Variants in JAM2 observed in about 807,000 individuals in gnomAD.
JAM2 encodes the protein junctional adhesion molecule B.
In JAM2, 17 loss-of-function variants were observed where a neutral mutation model predicts 42.0. The ratio of observed to expected loss-of-function variants is 0.40; its 90% confidence interval spans 0.28 to 0.61. The LOEUF (loss-of-function observed/expected upper bound fraction) is 0.61, where lower values mean the gene tolerates loss of function less well. JAM2 is among the 20% of genes least tolerant of loss of function. JAM2 has a pLI of 0.37. For synonymous variants in JAM2, 118 were observed against 128.6 expected, an observed-to-expected ratio of 0.92 and a Z score of 0.56; for missense variants, 319 against 358.3, an observed-to-expected ratio of 0.89 and a Z score of 0.89.
At chr21:25,672,730 G>A (rs141235477) in intron 1 of JAM2, among the ~76,000 whole-genome samples, 222 of 152,250 alleles carry the variant, frequency 1.5e-3, no homozygotes, top group African/African-American at 4.5e-3. Flanking sequence ...TAGTAAGGAG[G>A]GCACCCAGGC....
At chr21:25,679,887 A>C (rs1263778924) in intron 1 of JAM2, among the ~76,000 whole-genome samples, 1 of 152,204 alleles carries the variant, frequency 6.6e-6, no homozygotes, top group African/African-American at 2.4e-5. Context: ...GTAATTAACT[A>C]TGTGGGCTTC....
In JAM2 at chr21:25,717,434, T is replaced by C. The variant is rs147567880; in HGVS notation, c.*2762T>C. ...ATTATTGTTGCTGTTGTAACTAGAT[T>C]TAATTTATTTTTAGTTGGAGGTTTG... On this transcript the variant is annotated 3_prime_UTR_variant, in exon 10 of 10. Transcript: ENST00000480456. 2 of 411,178 alleles carry C rather than the reference T, an allele frequency of 4.9e-6. No individual in the cohort carries two copies. The highest frequency in any genetic ancestry group is 8.0e-5 in the East Asian group (2 of 24,888). 25.5% of individuals were successfully genotyped at this position (411,178 alleles called of 1,614,324 possible). A position where few individuals can be genotyped will look rare whatever the true frequency, so the allele number is the denominator to read the frequency against.
In JAM2 at chr21:25,709,452, A is replaced by G. The variant is rs1260764277; in HGVS notation, c.821+3A>G. 1 of 1,440,670 alleles carries G rather than the reference A, an allele frequency of 6.9e-7. No individual in the cohort carries two copies. The highest frequency in any genetic ancestry group is 1.7e-5 in the Admixed American group (1 of 59,170). The allele number at this position is 1,440,670 out of a possible 1,614,324, so 89.2% of individuals were successfully genotyped here. On this transcript the variant is annotated splice_donor_region_variant and intron_variant, in intron 8 of 9. Coordinates refer to ENST00000480456, the MANE Select transcript of JAM2 (RefSeq NM_021219.4). ...TTTGTAGAAGAAACCTCCTTCCAGT[A>G]AGTATACTTTCCTACAATGCATGTC...
chr21:25,714,281 C>T (rs778310467), intron 9 of JAM2: 102 of 1,189,806 alleles, frequency 8.6e-5, no homozygotes, highest in South Asian at 1.4e-4. Context: ...CCGCGGCGGG[C>T]GGATCACGAG....
rs1408409619 is a variant in JAM2 at position 25,717,510 on chromosome 21, T to C, written c.*2838T>C. On this transcript the variant is annotated 3_prime_UTR_variant, in exon 10 of 10. Transcript: ENST00000480456. Reference sequence around the variant, plus strand: ...TTTTCAATACAACTTTGCAAAGAACTTCCTTTTTCCACAGGTGGCTTTGTT... The same window carrying C: ...TTTTCAATACAACTTTGCAAAGAACCTCCTTTTTCCACAGGTGGCTTTGTT... 4.8e-6 allele frequency: 5 copies of C among 1,036,930 alleles called. No individual in the cohort carries two copies. The highest frequency in any genetic ancestry group is 6.5e-6 in the Non-Finnish European group (5 of 769,500). 64.2% of individuals were successfully genotyped at this position (1,036,930 alleles called of 1,614,324 possible).
At chr21:25,713,558 G>T (rs897027458) in intron 9 of JAM2, among the ~76,000 whole-genome samples, 3 of 151,706 alleles carry the variant, frequency 2.0e-5, no homozygotes, top group African/African-American at 7.3e-5. Context: ...AGTAGAGTCT[G>T]GGGGGTGGGG....
At chr21:25,641,907 C>G (rs147555316) in intron 1 of JAM2, among the ~76,000 whole-genome samples, 15 of 152,270 alleles carry the variant, frequency 9.9e-5, no homozygotes, top group African/African-American at 3.6e-4. Context: ...GGTCAAGTAT[C>G]TGGTAGAATG....
chr21:25,709,396 A>T, intron 7 of JAM2, 38 bp from the exon 8 acceptor site: 1 of 1,139,622 alleles, frequency 8.8e-7, no homozygotes, highest in Admixed American at 1.8e-5. Flanking sequence ...ATACCATAAT[A>T]ACCCTTGCAT....
chr21:25,667,209 G>A (rs947519444), intron 1 of JAM2, among the ~76,000 whole-genome samples: 4 of 152,190 alleles, frequency 2.6e-5, no homozygotes, highest in Non-Finnish European at 5.9e-5. Flanking sequence ...TATTCATGCT[G>A]TAGAAGCTAC....
chr21:25,712,795 C>T (rs2034410331), intron 9 of JAM2, among the ~76,000 whole-genome samples: 1 of 152,162 alleles, frequency 6.6e-6, no homozygotes, highest in African/African-American at 2.4e-5. Context: ...GTGGTTCCAG[C>T]AGAGCTGTGG....
Position 25,714,505 on chromosome 21 carries a change from A to AAAAT in JAM2, c.865-117_865-114dup, listed in dbSNP as rs543943387. The AAAAT allele has an allele frequency of 7.4e-5, 51 of 688,728 alleles. 2 individuals carry two copies. The highest frequency in any genetic ancestry group is 5.8e-4 in the South Asian group (26 of 44,614). 42.7% of individuals were successfully genotyped at this position (688,728 alleles called of 1,614,324 possible). Reference sequence around the variant, plus strand: ...AGAGCAAGATTCCATCTCAAAAAATAAAATAAATAAATAAATAAATACTGG... The same window carrying AAAAT: ...AGAGCAAGATTCCATCTCAAAAAATAAAATAAATAAATAAATAAATAAATACTGG... On this transcript the variant is annotated intron_variant, in intron 9 of 9. Coordinates refer to ENST00000480456, the MANE Select transcript of JAM2 (RefSeq NM_021219.4).
At chr21:25,681,759 G>T (rs541899484) in intron 1 of JAM2, among the ~76,000 whole-genome samples, 27 of 151,614 alleles carry the variant, frequency 1.8e-4, no homozygotes, top group Non-Finnish European at 1.0e-4. Context: ...GAGGTGGGTG[G>T]ATCAGGAGGT....
At chr21:25,709,533 A>C in intron 8 of JAM2, 84 bp downstream of exon 8, 1 of 904,466 alleles carries the variant, frequency 1.1e-6, no homozygotes, top group South Asian at 1.8e-5. Flanking sequence ...CAAAAGAGAG[A>C]AGTTGGGTTA....
chr21:25,712,916 A>G (rs190573138), intron 9 of JAM2, among the ~76,000 whole-genome samples: 17 of 152,348 alleles, frequency 1.1e-4, no homozygotes, highest in Admixed American at 1.1e-3. Flanking sequence ...GGTAATTTAC[A>G]AACAACAAAT....
chr21:25,639,534 C>T lies in JAM2; in HGVS notation c.-288C>T. The T allele has an allele frequency of 5.9e-6, 2 of 339,932 alleles. No homozygotes were observed. Among genetic ancestry groups the T allele is most frequent in the Non-Finnish European group, 1.1e-5 (2 of 189,004 alleles). The allele number at this position is 339,932 out of a possible 1,614,324, so 21.1% of individuals were successfully genotyped here. On this transcript the variant is annotated 5_prime_UTR_variant, in exon 1 of 10. Coordinates refer to ENST00000480456, the MANE Select transcript of JAM2 (RefSeq NM_021219.4). Reference sequence around the variant, plus strand: ...CTCCTGCTGCCCCCTCGCTAGGACCCGGCGGACGCCTCGTCTGGTTTTCAC... The same window carrying T: ...CTCCTGCTGCCCCCTCGCTAGGACCTGGCGGACGCCTCGTCTGGTTTTCAC...
chr21:25,675,550 GGGAA>G (rs1009343994), intron 1 of JAM2, among the ~76,000 whole-genome samples: 105 of 148,548 alleles, frequency 7.1e-4, no homozygotes, highest in African/African-American at 1.9e-3. Context: ...GAGGAAGGAG[GGGAA>G]GGAAGGAAGG....
intron 2 of JAM2, among the ~76,000 whole-genome samples, chr21:25,685,871 C>T (rs1011153847): frequency 6.6e-6 from 1 of 152,188 alleles, no homozygotes. Flanking sequence ...AAGTTCAGTT[C>T]CACTTCTCAC....
At chr21:25,711,313 A>G (rs572343390) in intron 8 of JAM2, 1 of 406,334 alleles carries the variant, frequency 2.5e-6, no homozygotes, top group East Asian at 7.5e-5. Context: ...GAGCTCCCCA[A>G]CGCCCTGTAG....
intron 1 of JAM2, among the ~76,000 whole-genome samples, chr21:25,667,838 T>A (rs2033261407): frequency 6.6e-6 from 1 of 152,102 alleles, no homozygotes; most frequent in South Asian, 2.1e-4. Context: ...CATAAACACA[T>A]ATATAATGCA....
Sources: allele counts gnomAD v4.1 joint callset (sites outside exome capture counted in the v4.1 genomes callset), GRCh38; gene constraint gnomAD v4.1.1; transcripts MANE v1.5; gene names NCBI Gene and HGNC (gene_info 2026-07-23, HGNC 2026-07-21).